GGT6: variants seen among roughly 807,000 people sequenced by gnomAD.
The protein encoded by GGT6 is glutathione hydrolase 6.
Under a neutral mutation model 17.0 loss-of-function variants are expected in GGT6, and 13 were observed. The ratio of observed to expected loss-of-function variants is 0.77; its 90% CI spans 0.50 to 1.22. The LOEUF (loss-of-function observed/expected upper bound fraction) is 1.22, where lower values mean the gene tolerates loss of function less well. GGT6 is among the 50% of genes most tolerant of loss of function. GGT6 has a pLI of 0.00. For synonymous variants in GGT6, 305 were observed against 297.9 expected, an observed-to-expected ratio of 1.02 and a Z score of -0.25; for missense variants, 628 against 643.7, an observed-to-expected ratio of 0.98 and a Z score of 0.26.
In GGT6 at chr17:4,559,402, T is replaced by A; in HGVS notation, c.398A>T (p.Asp133Val). Residue 133 changes from aspartate to valine, a missense_variant, in exon 3 of 4, where the codon GAT (aspartate) becomes GTT (valine). By Grantham distance (152) the Asp-to-Val change is radical (BLOSUM62 -3). Transcript: ENST00000381550. The stretch of plus-strand genomic sequence containing the variant: ...GCACAATGCAGCTCCAACTCCAGCA[T>A]CCACGACGTTGCCCCCGGCAACAAG... Reference protein sequence around the residue: ...ELLVAGGNVVDAGVGAALCLA... With the variant: ...ELLVAGGNVVVAGVGAALCLA... The A allele has an allele frequency of 6.4e-7, 1 of 1,551,736 alleles. No individual in the cohort carries two copies. The highest frequency in any genetic ancestry group is 8.7e-7 in the Non-Finnish European group (1 of 1,147,014).
Position 4,558,684 on chromosome 17 carries a change from C to A in GGT6, c.831G>T (p.Gly277=), listed in dbSNP as rs1218701751. 3.1e-6 allele frequency: 5 copies of A among 1,605,640 alleles called. No individual in the cohort carries two copies. The highest frequency in any genetic ancestry group is 2.2e-5 in the South Asian group (2 of 89,380). The part of the protein sequence containing the change: ...AALAPTSDLA[G]DALLSLLAGD... ...CCGCCAGTAGACTCAGTAGAGCATC[C>A]CCAGCAAGGTCTGAGGTGGGAGCGA... The change falls in exon 4 of 4, where the codon GGG becomes GGT. Residue 277 remains glycine (G), a synonymous_variant. Coordinates refer to ENST00000381550, the MANE Select transcript of GGT6 (RefSeq NM_001288702.2).
Position 4,557,090 on chromosome 17 carries a change from A to G in GGT6, c.*925T>C, listed in dbSNP as rs2144526505. On this transcript the variant is annotated 3_prime_UTR_variant, in exon 4 of 4. Coordinates refer to ENST00000381550, the MANE Select transcript of GGT6 (RefSeq NM_001288702.2). ...TAGGCAGAGGCTCTGCACTCTTTCC[A>G]CTGTCCTCCTGAAAGCTGGATCTGA... 6.6e-6 allele frequency: 1 copy of G among 152,294 alleles called. No homozygotes were observed. The highest frequency in any genetic ancestry group is 2.1e-4 in the South Asian group (1 of 4,822). 9.4% of individuals were successfully genotyped at this position (152,294 alleles called of 1,614,324 possible). A position where few individuals can be genotyped will look rare whatever the true frequency, so the allele number is the denominator to read the frequency against.
rs1343779433 is a variant in GGT6 at position 4,560,272 on chromosome 17, G to A, written c.140+110C>T. On this transcript the variant is annotated intron_variant, in intron 1 of 3. Transcript: ENST00000381550. ...CCCCCAAATTGACCGTACAGTGCCT[G>A]GAGCTAAACCCAGCGGGGAGTCGCC... 3 of 1,242,628 alleles carry A rather than the reference G, an allele frequency of 2.4e-6. No homozygotes were observed. The African/African-American group carries it at 4.4e-5, about 18-fold the overall frequency. The allele number at this position is 1,242,628 out of a possible 1,614,324, so 77.0% of individuals were successfully genotyped here. A position where few individuals can be genotyped will look rare whatever the true frequency, so the allele number is the denominator to read the frequency against.
Position 4,558,097 on chromosome 17 carries a change from G to A in GGT6, c.1418C>T (p.Thr473Ile). Residue 473 changes from threonine to isoleucine, a missense_variant, in exon 4 of 4, where the codon ACC (threonine) becomes ATC (isoleucine). Physicochemically the swap from Thr to Ile is moderately conservative, Grantham distance 89. Coordinates refer to ENST00000381550, the MANE Select transcript of GGT6 (RefSeq NM_001288702.2). ...TEHPSTCGQG[T>I]LLQVAAHTEH... is the part of the protein sequence containing the mutation. ...TGTGTGGGCTGCCACCTGGAGCAGG[G>A]TCCCTTGGCCACAAGTGCTGGGATG... is the stretch of plus-strand genomic sequence containing the variant. The A allele has an allele frequency of 3.7e-6, 6 of 1,609,336 alleles. No individual in the cohort carries two copies. Among genetic ancestry groups the A allele is most frequent in the Non-Finnish European group, 5.1e-6 (6 of 1,177,316 alleles).
downstream of GGT6, among the ~76,000 whole-genome samples, chr17:4,556,140 T>C (rs1908087402): frequency 6.6e-6 from 1 of 152,182 alleles, no homozygotes; most frequent in South Asian, 2.1e-4. Context: ...CTGAGGGTGA[T>C]GGGAAGTCAC....
rs1908324323 is a variant in GGT6 at position 4,558,372 on chromosome 17, A to G, written c.1143T>C (p.Ser381=). 6.2e-7 allele frequency: 1 copy of G among 1,606,472 alleles called. No homozygotes were observed. Among genetic ancestry groups the G allele is most frequent in the Non-Finnish European group, 8.5e-7 (1 of 1,180,002 alleles). Residue 381 remains serine (S), a synonymous_variant, in exon 4 of 4, where the codon TCT becomes TCC. Transcript: ENST00000381550. ...CCCCAGTGCTTGGGGACAGGTGTGC[A>G]GAGCCAAAGGAGCAGTTGAGCGAGG... ...LTSSLNCSFG[S]AHLSPSTGVL...
Position 4,559,069 on chromosome 17 carries a change from A to T in GGT6, c.458-12T>A. On this transcript the variant is annotated splice_polypyrimidine_tract_variant and intron_variant, in intron 3 of 3. Coordinates refer to ENST00000381550, the MANE Select transcript of GGT6 (RefSeq NM_001288702.2). ...CCAAAACATGGCACCTGCAGGAGAC[A>T]GAGGGGTCCCTCAGCAGCCGCAGGT... The T allele has an allele frequency of 6.5e-7, 1 of 1,539,826 alleles. No homozygotes were observed. Among genetic ancestry groups the T allele is most frequent in the Non-Finnish European group, 8.7e-7 (1 of 1,146,810 alleles).
chr17:4,558,728 C>A lies in GGT6; in HGVS notation c.787G>T (p.Val263Leu). ...GGAGCGAGGGCTGCGCTGCGAAGCA[C>A]AGCTGCCAGTTGTGGGTTGGTGGCT... is the stretch of plus-strand genomic sequence containing the variant. ...ARATNPQLAA[V>L]LRSAALAPTS... Residue 263 changes from valine (V) to leucine (L), a missense_variant, in exon 4 of 4, where the codon GTG becomes TTG. By Grantham distance (32) the Val-to-Leu change is conservative (BLOSUM62 1). Coordinates refer to ENST00000381550, the MANE Select transcript of GGT6 (RefSeq NM_001288702.2). 6.2e-7 allele frequency: 1 copy of A among 1,601,262 alleles called. No homozygotes were observed. The highest frequency in any genetic ancestry group is 1.7e-5 in the Admixed American group (1 of 57,458).
In GGT6 at chr17:4,558,632, C is replaced by A. The variant is rs139597134; in HGVS notation, c.883G>T (p.Ala295Ser). Reference sequence around the variant, plus strand: ...GGTTCCAAAGTGGGCCTGGGCACAGCCGAGGGCACCTCCACCCCCAGGTCT... The same window carrying A: ...GGTTCCAAAGTGGGCCTGGGCACAGACGAGGGCACCTCCACCCCCAGGTCT... ...AGDLGVEVPS[A>S]VPRPTLEPAE... Residue 295 changes from alanine to serine, a missense_variant, in exon 4 of 4, where the codon GCT (alanine) becomes TCT (serine). Coordinates refer to ENST00000381550, the MANE Select transcript of GGT6 (RefSeq NM_001288702.2). The A allele has an allele frequency of 2.4e-5, 38 of 1,571,684 alleles. No homozygotes were observed. In the African/African-American group the frequency reaches 4.8e-4, roughly 20 times the overall value.
Position 4,558,725 on chromosome 17 carries a change from G to A in GGT6, c.790C>T (p.Leu264Phe), listed in dbSNP as rs1411476257. 3.1e-6 allele frequency: 5 copies of A among 1,602,122 alleles called. No individual in the cohort carries two copies. The highest frequency in any genetic ancestry group is 3.4e-6 in the Non-Finnish European group (4 of 1,175,454). ...GTGGGAGCGAGGGCTGCGCTGCGAAGCACAGCTGCCAGTTGTGGGTTGGTG... is the reference window on the plus strand; with the variant it reads ...GTGGGAGCGAGGGCTGCGCTGCGAAACACAGCTGCCAGTTGTGGGTTGGTG... ...RATNPQLAAV[L>F]RSAALAPTSD... The change falls in exon 4 of 4, where the codon CTT becomes TTT. Residue 264 changes from leucine to phenylalanine, a missense_variant. Leu to Phe is a conservative substitution (Grantham distance 22). Coordinates refer to ENST00000381550, the MANE Select transcript of GGT6 (RefSeq NM_001288702.2).
downstream of GGT6, among the ~76,000 whole-genome samples, chr17:4,556,240 T>A (rs1167744689): frequency 6.6e-6 from 1 of 152,196 alleles, no homozygotes; most frequent in African/African-American, 2.4e-5. Context: ...ACTGTAGGTC[T>A]GCGCAGGTGG....
chr17:4,560,237 C>T, intron 1 of GGT6, 145 bp downstream of exon 1: 3 of 874,260 alleles, frequency 3.4e-6, no homozygotes, highest in Non-Finnish European at 5.3e-6. Flanking sequence ...CGGGCTACAG[C>T]CTGGGTTTTC....
In GGT6 at chr17:4,558,757, G is replaced by C. The variant is rs1908379667; in HGVS notation, c.758C>G (p.Ala253Gly). 6.3e-7 allele frequency: 1 copy of C among 1,580,160 alleles called. No homozygotes were observed. Among genetic ancestry groups the C allele is most frequent in the African/African-American group, 1.3e-5 (1 of 74,520 alleles). Residue 253 changes from alanine (A) to glycine (G), a missense_variant, in exon 4 of 4, where the codon GCC becomes GGC. Coordinates refer to ENST00000381550, the MANE Select transcript of GGT6 (RefSeq NM_001288702.2). Reference protein sequence around the residue: ...HADGTPLGAGARATNPQLAAV... With the variant: ...HADGTPLGAGGRATNPQLAAV... ...TGCCAGTTGTGGGTTGGTGGCTCGGGCCCCAGCGCCCAGGGGTGTCCCATC... is the reference window on the plus strand; with the variant it reads ...TGCCAGTTGTGGGTTGGTGGCTCGGCCCCCAGCGCCCAGGGGTGTCCCATC...
rs749271698 is a variant in GGT6 at position 4,558,010 on chromosome 17, T to G, written c.*5A>C. 32 of 1,514,694 alleles carry G rather than the reference T, an allele frequency of 2.1e-5. No individual in the cohort carries two copies. The highest frequency in any genetic ancestry group is 2.7e-5 in the Non-Finnish European group (31 of 1,132,088). 93.8% of individuals were successfully genotyped at this position (1,514,694 alleles called of 1,614,324 possible). ...CTGCCTTCTGCCAGACCCACCCCCA[T>G]CCTGTTAGAACCCCTGGAAGGGGCA... On this transcript the variant is annotated 3_prime_UTR_variant, in exon 4 of 4. Transcript: ENST00000381550.
rs377477526 is a variant in GGT6 at position 4,558,722 on chromosome 17, G to C, written c.793C>G (p.Arg265Gly). The C allele has an allele frequency of 6.2e-7, 1 of 1,602,768 alleles. No individual in the cohort carries two copies. Among genetic ancestry groups the C allele is most frequent in the Admixed American group, 1.7e-5 (1 of 57,872 alleles). The change falls in exon 4 of 4, where the codon CGC becomes GGC. Residue 265 changes from arginine (R) to glycine (G), a missense_variant. Physicochemically the swap from Arg to Gly is moderately radical, Grantham distance 125 (BLOSUM62 -2). Coordinates refer to ENST00000381550, the MANE Select transcript of GGT6 (RefSeq NM_001288702.2). The part of the protein sequence containing the change: ...ATNPQLAAVL[R>G]SAALAPTSDL... Reference sequence around the variant, plus strand: ...GAGGTGGGAGCGAGGGCTGCGCTGCGAAGCACAGCTGCCAGTTGTGGGTTG... The same window carrying C: ...GAGGTGGGAGCGAGGGCTGCGCTGCCAAGCACAGCTGCCAGTTGTGGGTTG...
chr17:4,557,732 C>T lies in GGT6; in HGVS notation c.*283G>A, dbSNP rs1174700226. ...CCTTGAACTCCTGAGCTCAAGCGAGCTTCCTGCCTCAGCCTCCCAAGCAGC... is the reference window on the plus strand; with the variant it reads ...CCTTGAACTCCTGAGCTCAAGCGAGTTTCCTGCCTCAGCCTCCCAAGCAGC... On this transcript the variant is annotated 3_prime_UTR_variant, in exon 4 of 4. Coordinates refer to ENST00000381550, the MANE Select transcript of GGT6 (RefSeq NM_001288702.2). 1.2e-5 allele frequency: 4 copies of T among 331,522 alleles called. No individual in the cohort carries two copies. The allele number at this position is 331,522 out of a possible 1,614,324, so 20.5% of individuals were successfully genotyped here. A position where few individuals can be genotyped will look rare whatever the true frequency, so the allele number is the denominator to read the frequency against.
chr17:4,558,065 C>T lies in GGT6; in HGVS notation c.1450G>A (p.Ala484Thr), dbSNP rs762142364. The T allele has an allele frequency of 3.1e-6, 5 of 1,588,648 alleles. No homozygotes were observed. Among genetic ancestry groups the T allele is most frequent in the Non-Finnish European group, 3.4e-6 (4 of 1,166,510 alleles). Residue 484 changes from alanine (A) to threonine (T), a missense_variant, in exon 4 of 4, where the codon GCC (alanine) becomes ACC (threonine). Coordinates refer to ENST00000381550, the MANE Select transcript of GGT6 (RefSeq NM_001288702.2). ...GCATGGGGGACACTGGAGACATGGG[C>T]GTGCTCTGTGTGGGCTGCCACCTGG... ...LLQVAAHTEH[A>T]HVSSVPHACC...
At chr17:4,559,814 C>A in intron 1 of GGT6, 54 bp from the exon 2 acceptor site, 3 of 1,485,028 alleles carry the variant, frequency 2.0e-6, no homozygotes, top group Non-Finnish European at 2.8e-6. Flanking sequence ...TGCCCAAGGA[C>A]CCCAAGAGAC....
rs3054325 is a variant in GGT6, at chr17:4,557,620, TTTATTA to T, written c.*389_*394del. The T allele has an allele frequency of 1.3e-3, 197 of 151,840 alleles. 1 individual carries two copies. The highest frequency in any genetic ancestry group is 2.5e-3 in the African/African-American group (101 of 41,164). The allele number at this position is 151,840 out of a possible 1,614,324, so 9.4% of individuals were successfully genotyped here. A position where few individuals can be genotyped will look rare whatever the true frequency, so the allele number is the denominator to read the frequency against. On this transcript the variant is annotated 3_prime_UTR_variant, in exon 4 of 4. Transcript: ENST00000381550. ...ATGAGCCACCGCACCCAGCTATTTT[TTTATTA>T]TTATTATTATTATTTTAAAGACAGG...
Sources: allele counts gnomAD v4.1 joint callset (sites outside exome capture counted in the v4.1 genomes callset), GRCh38; gene constraint gnomAD v4.1.1; transcripts MANE v1.5; gene names NCBI Gene and HGNC (gene_info 2026-07-23, HGNC 2026-07-21).